The following TMEM132B variants were observed in gnomAD, a reference collection of about 807,000 sequenced individuals.
The protein encoded by TMEM132B is transmembrane protein 132B.
Under a neutral mutation model 90.8 loss-of-function variants are expected in TMEM132B, and 18 were observed. The ratio of observed to expected loss-of-function variants is 0.20; its 90% CI spans 0.14 to 0.29. The LOEUF (loss-of-function observed/expected upper bound fraction) is 0.29. Ranked by LOEUF, TMEM132B falls within the 10% of genes least tolerant of loss-of-function variation. The pLI is 1.00. For missense variants in TMEM132B, 1,096 were observed against 1,326.8 expected (o/e 0.83, Z 2.70); for synonymous variants, 504 against 523.3 (o/e 0.96, Z 0.50).
At chr12:125,202,907 C>T (rs1418714532) in intron 1 of TMEM132B, among the ~76,000 whole-genome samples, 1 of 152,172 alleles carries the variant, frequency 6.6e-6, no homozygotes, top group Non-Finnish European at 1.5e-5. Context: ...TCATGAACTT[C>T]CCCAGTACGT....
chr12:125,228,196 G>A (rs1371459024), intron 1 of TMEM132B, among the ~76,000 whole-genome samples: 1 of 152,044 alleles, frequency 6.6e-6, no homozygotes, highest in African/African-American at 2.4e-5. Flanking sequence ...TCCGCCTCTC[G>A]GTTTCCGAGC....
At chr12:125,497,279 C>G (rs918187558) in intron 3 of TMEM132B, among the ~76,000 whole-genome samples, 7 of 152,208 alleles carry the variant, frequency 4.6e-5, no homozygotes, top group Non-Finnish European at 1.0e-4. Context: ...GAGTGATGCT[C>G]TCAATTATTT....
chr12:125,216,541 GTCT>G (rs990183312), intron 1 of TMEM132B, among the ~76,000 whole-genome samples: 3 of 152,128 alleles, frequency 2.0e-5, no homozygotes, highest in African/African-American at 7.2e-5. Context: ...CCTTCTTTGT[GTCT>G]TTGTTGAGAA....
intron 4 of TMEM132B, among the ~76,000 whole-genome samples, chr12:125,557,048 G>C (rs2136780543): frequency 6.6e-6 from 1 of 152,316 alleles, no homozygotes; most frequent in South Asian, 2.1e-4. Flanking sequence ...TGCCTTGTGT[G>C]TGGCAGGTTC....
intron 5 of TMEM132B, among the ~76,000 whole-genome samples, chr12:125,620,868 A>G (rs897437134): frequency 9.2e-5 from 14 of 152,232 alleles, no homozygotes; most frequent in Admixed American, 6.5e-4. Context: ...AACTGCCCCA[A>G]TGATTCCATT....
intron 1 of TMEM132B, among the ~76,000 whole-genome samples, chr12:125,293,622 A>G (rs1875597450): frequency 6.6e-6 from 1 of 152,212 alleles, no homozygotes; most frequent in Non-Finnish European, 1.5e-5. Context: ...TGCAAAGGAC[A>G]TGATTTTGTT....
At chr12:125,348,062 T>C (rs1274304790) in intron 1 of TMEM132B, among the ~76,000 whole-genome samples, 2 of 152,212 alleles carry the variant, frequency 1.3e-5, no homozygotes. Context: ...ATTTTAAAAC[T>C]TTACCAAATA....
In TMEM132B at chr12:125,206,149, T is replaced by C. The variant is rs144635162; in HGVS notation, c.67+19283T>C. ...CCTTAGCTTTTTTCGCTTAGTTTTT[T>C]CTGGTGGGATGGTATTCCTTTGGTC... is the stretch of plus-strand genomic sequence containing the variant. On this transcript the variant is annotated intron_variant, in intron 1 of 8. Coordinates refer to ENST00000682704, the MANE Select transcript of TMEM132B (RefSeq NM_001366854.1). 1.3e-4 allele frequency among the ~76,000 whole-genome samples: 20 copies of C among 152,312 alleles called. No homozygotes were observed. The East Asian group carries it at 3.9e-3, about 29-fold the overall frequency.
At chr12:125,214,760 C>A (rs2136068288) in intron 1 of TMEM132B, among the ~76,000 whole-genome samples, 1 of 152,340 alleles carries the variant, frequency 6.6e-6, no homozygotes, top group South Asian at 2.1e-4. Context: ...CTTCCTTGCC[C>A]TTTTCTGTTC....
At chr12:125,289,891 C>T (rs1280093775) in intron 1 of TMEM132B, among the ~76,000 whole-genome samples, 1 of 152,212 alleles carries the variant, frequency 6.6e-6, no homozygotes, top group East Asian at 1.9e-4. Context: ...AAGTCCTCAC[C>T]TTGGGAAGGT....
At chr12:125,326,738 G>T in intron 1 of TMEM132B, 1 of 1,511,522 alleles carries the variant, frequency 6.6e-7, no homozygotes. Flanking sequence ...CCAAGGGGAG[G>T]TTTTCCTATG....
intron 5 of TMEM132B, among the ~76,000 whole-genome samples, chr12:125,643,787 A>G (rs1407083988): frequency 6.6e-6 from 1 of 152,216 alleles, no homozygotes; most frequent in African/African-American, 2.4e-5. Context: ...AGATAAAGAA[A>G]AACACACATA....
At chr12:125,595,148 G>A (rs556845933) in intron 5 of TMEM132B, among the ~76,000 whole-genome samples, 1 of 152,288 alleles carries the variant, frequency 6.6e-6, no homozygotes, top group East Asian at 1.9e-4. Flanking sequence ...ATTATAATGT[G>A]CTGGTTTATT....
At chr12:125,515,294 ACT>A (rs761863557) in intron 3 of TMEM132B, among the ~76,000 whole-genome samples, 6 of 151,404 alleles carry the variant, frequency 4.0e-5, no homozygotes, top group Admixed American at 6.6e-5. Flanking sequence ...TCTCTCACAC[ACT>A]CATACACACT....
chr12:125,470,000 A>G (rs542486486), intron 3 of TMEM132B, among the ~76,000 whole-genome samples: 1 of 150,980 alleles, frequency 6.6e-6, no homozygotes, highest in East Asian at 1.9e-4. Flanking sequence ...AATACAATTT[A>G]TTTTGCTTTC....
intron 6 of TMEM132B, among the ~76,000 whole-genome samples, chr12:125,645,355 G>C (rs1886737623): frequency 6.6e-6 from 1 of 151,908 alleles, no homozygotes; most frequent in Non-Finnish European, 1.5e-5. Context: ...TTAAAATACA[G>C]AGATTAGCCA....
At chr12:125,400,280 G>C (rs1833119718) in intron 2 of TMEM132B, among the ~76,000 whole-genome samples, 1 of 152,240 alleles carries the variant, frequency 6.6e-6, no homozygotes, top group South Asian at 2.1e-4. Context: ...ATTAAACTGA[G>C]CAATGAGACG....
chr12:125,275,513 T>G (rs1483413381), intron 1 of TMEM132B, among the ~76,000 whole-genome samples: 1 of 152,162 alleles, frequency 6.6e-6, no homozygotes, highest in African/African-American at 2.4e-5. Flanking sequence ...GATGTGGCTT[T>G]GATGGGAGGA....
intron 4 of TMEM132B, among the ~76,000 whole-genome samples, chr12:125,527,136 AC>A (rs1325268017): frequency 8.4e-6 from 1 of 119,162 alleles, no homozygotes; most frequent in African/African-American, 3.3e-5. Context: ...CCACCCATTT[AC>A]CCTTCTATCC....
Sources: allele counts gnomAD v4.1 joint callset (sites outside exome capture counted in the v4.1 genomes callset), GRCh38; gene constraint gnomAD v4.1.1; transcripts MANE v1.5; gene names NCBI Gene and HGNC (gene_info 2026-07-23, HGNC 2026-07-21).